The following ROBO2 variants were observed in gnomAD, a reference collection of about 807,000 sequenced individuals.
The protein encoded by ROBO2 is roundabout homolog 2.
ROBO2 carries 53 observed loss-of-function variants against 160.8 expected under a neutral mutation model. That is an observed-to-expected ratio of 0.33 (90% confidence interval 0.26 to 0.41). The LOEUF (loss-of-function observed/expected upper bound fraction) is 0.41. Ranked by LOEUF, ROBO2 falls within the 10% of genes least tolerant of loss-of-function variation. The probability of loss-of-function intolerance (pLI) is 1.00; values close to 1 mark genes in which losing one functional copy is unlikely to be tolerated. For missense variants in ROBO2, 1,577 were observed against 1,722.4 expected, an observed-to-expected ratio of 0.92 and a Z score of 1.49; for synonymous variants, 664 against 611.7, an observed-to-expected ratio of 1.09 and a Z score of -1.26.
chr3:76,057,714 C>A (rs867192684), intron 2 of ROBO2, among the ~76,000 whole-genome samples: 2 of 151,676 alleles, frequency 1.3e-5, no homozygotes, highest in Non-Finnish European at 2.9e-5. Flanking sequence ...TTTTTTTTTC[C>A]TTTTTGCAAA....
chr3:76,273,276 G>T (rs1214885217), intron 2 of ROBO2, among the ~76,000 whole-genome samples: 1 of 150,006 alleles, frequency 6.7e-6, no homozygotes, highest in East Asian at 2.0e-4. Flanking sequence ...ATGTAGCAAT[G>T]ATGAAATACA....
intron 2 of ROBO2, among the ~76,000 whole-genome samples, chr3:76,856,881 T>C (rs2070157637): frequency 6.6e-6 from 1 of 152,218 alleles, no homozygotes; most frequent in Admixed American, 6.5e-5. Flanking sequence ...AACATATACA[T>C]TTAATAATCC....
At chr3:76,149,917 C>G (rs2072094929) in intron 2 of ROBO2, among the ~76,000 whole-genome samples, 1 of 151,272 alleles carries the variant, frequency 6.6e-6, no homozygotes, top group Non-Finnish European at 1.5e-5. Flanking sequence ...ACACATCTGT[C>G]TAAAGCACAC....
At position 76,591,502 on chromosome 3, in the gene ROBO2, C is replaced by T. The variant is rs564525984; in HGVS notation, c.110-506512C>T. ...TTGTTCTCTATTTTTATAGAAGTTA[C>T]TGAAAATAAAGATATATATTTTTCC... On this transcript the variant is annotated intron_variant, in intron 2 of 26. Coordinates refer to the ROBO2 transcript ENST00000487694. 2.6e-4 allele frequency among the ~76,000 whole-genome samples: 39 copies of T among 152,160 alleles called. 1 individual carries two copies. The highest frequency in any genetic ancestry group is 3.9e-4 in the Admixed American group (6 of 15,276).
chr3:76,908,717 C>T (rs895664629), intron 2 of ROBO2, among the ~76,000 whole-genome samples: 2 of 152,142 alleles, frequency 1.3e-5, no homozygotes, highest in Admixed American at 6.5e-5. Flanking sequence ...GTGAAACCTA[C>T]AACTAAGAAA....
At chr3:77,504,889 A>G (rs893336696) in intron 5 of ROBO2, among the ~76,000 whole-genome samples, 12 of 152,198 alleles carry the variant, frequency 7.9e-5, no homozygotes, top group African/African-American at 2.9e-4. Flanking sequence ...TTCCTATATG[A>G]AACTAGAGAT....
intron 2 of ROBO2, among the ~76,000 whole-genome samples, chr3:76,749,338 C>T (rs2093942700): frequency 6.6e-6 from 1 of 151,778 alleles, no homozygotes; most frequent in South Asian, 2.1e-4. Context: ...TCAAAATTTA[C>T]TCAGATGAGA....
At chr3:77,095,838 C>T (rs1400091102) in intron 1 of ROBO2, among the ~76,000 whole-genome samples, 1 of 151,550 alleles carries the variant, frequency 6.6e-6, no homozygotes, top group Non-Finnish European at 1.5e-5. Flanking sequence ...GCTTTAAGAC[C>T]CAGTACTCAT....
chr3:76,716,887 G>C (rs989140274), intron 2 of ROBO2, among the ~76,000 whole-genome samples: 2 of 152,116 alleles, frequency 1.3e-5, no homozygotes, highest in African/African-American at 2.4e-5. Context: ...ACATCCTCCT[G>C]TTTAAGTCAT....
At chr3:76,015,180 A>G (rs566349692) in intron 2 of ROBO2, among the ~76,000 whole-genome samples, 1 of 152,098 alleles carries the variant, frequency 6.6e-6, no homozygotes, top group South Asian at 2.1e-4. Context: ...TCAGATTTAC[A>G]TTTTCTGTGG....
At chr3:76,603,664 C>A (rs1359050337) in intron 2 of ROBO2, among the ~76,000 whole-genome samples, 1 of 151,448 alleles carries the variant, frequency 6.6e-6, no homozygotes, top group Non-Finnish European at 1.5e-5. Flanking sequence ...CTTGTTCTGC[C>A]TTTTTGAATG....
chr3:76,940,127 G>T (rs2078071104), intron 2 of ROBO2, among the ~76,000 whole-genome samples: 1 of 151,816 alleles, frequency 6.6e-6, no homozygotes, highest in Non-Finnish European at 1.5e-5. Context: ...GAATACAGGC[G>T]CCCGCCACCA....
rs2077373573 is a variant in ROBO2, at chr3:77,417,731, CTG to C, written c.389-59681_389-59680del. ...AATGCTATGATGTTTTCTCATTACA[CTG>C]TCATAGTGTTCTTGTACTCAGCAAT... On this transcript the variant is annotated intron_variant, in intron 2 of 25. Coordinates refer to ENST00000461745, the Ensembl canonical transcript of ROBO2. Among the ~76,000 whole-genome samples, 4 of 152,066 alleles carry C rather than the reference CTG, an allele frequency of 2.6e-5. No individual in the cohort carries two copies. In the South Asian group the frequency reaches 8.3e-4, roughly 31 times the overall value.
intron 2 of ROBO2, among the ~76,000 whole-genome samples, chr3:76,315,698 A>G (rs2071959758): frequency 6.6e-6 from 1 of 152,170 alleles, no homozygotes; most frequent in Admixed American, 6.5e-5. Flanking sequence ...TAGTTATATG[A>G]ACTAATAAAA....
At chr3:77,464,930 G>A (rs143493798) in intron 2 of ROBO2, among the ~76,000 whole-genome samples, 2,054 of 152,206 alleles carry the variant, frequency 0.013, 41 homozygotes, top group African/African-American at 0.046. Flanking sequence ...TATTAAACAT[G>A]TGCATTAGAA....
intron 2 of ROBO2, among the ~76,000 whole-genome samples, chr3:76,780,017 A>G (rs1476918381): frequency 6.6e-6 from 1 of 151,018 alleles, no homozygotes; most frequent in East Asian, 2.0e-4. Flanking sequence ...TCCCACCAAC[A>G]GTGTACAGAG....
chr3:77,501,583 G>A (rs1320705972), intron 5 of ROBO2, among the ~76,000 whole-genome samples: 1 of 152,114 alleles, frequency 6.6e-6, no homozygotes, highest in Non-Finnish European at 1.5e-5. Context: ...GAGTACCAGA[G>A]TCCACATCTG....
At chr3:77,445,121 T>C (rs2153557357) in intron 2 of ROBO2, among the ~76,000 whole-genome samples, 1 of 152,264 alleles carries the variant, frequency 6.6e-6, no homozygotes, top group East Asian at 1.9e-4. Flanking sequence ...TAGAGCCTTT[T>C]TAGGGACTTA....
chr3:76,655,684 G>A (rs1575750906), intron 2 of ROBO2, among the ~76,000 whole-genome samples: 1 of 147,086 alleles, frequency 6.8e-6, no homozygotes, highest in Non-Finnish European at 1.5e-5. Flanking sequence ...AAAGAGAGGG[G>A]CAGGTAGGCA....
Sources: gnomAD v4.1 joint callset for allele counts (sites outside exome capture counted in the v4.1 genomes callset) on GRCh38, gnomAD v4.1.1 for gene constraint, MANE v1.5 for transcripts, NCBI Gene and HGNC (gene_info 2026-07-23, HGNC 2026-07-21) for gene names.